The following CEP63 variants were observed in gnomAD, a reference collection of about 807,000 sequenced individuals.
CEP63 encodes centrosomal protein 63.
CEP63 carries 84 observed loss-of-function variants against 89.1 expected under a neutral mutation model. The observed-to-expected ratio is 0.94, with a 90% CI of 0.79 to 1.13. The LOEUF (loss-of-function observed/expected upper bound fraction) is 1.13, where lower values mean the gene tolerates loss of function less well. CEP63 is among the 50% of genes most tolerant of loss of function. The pLI is 0.00. For missense variants in CEP63, 838 were observed against 813.3 expected, an observed-to-expected ratio of 1.03 and a Z score of -0.37; for synonymous variants, 267 against 272.5, an observed-to-expected ratio of 0.98 and a Z score of 0.20.
At chr3:134,570,878 G>A (rs1292175837) in intron 11 of CEP63, among the ~76,000 whole-genome samples, 2 of 152,210 alleles carry the variant, frequency 1.3e-5, no homozygotes, top group East Asian at 1.9e-4. Flanking sequence ...CAGAAGGCAA[G>A]AAGGAGCAAG....
At chr3:134,642,484 C>CT in the CEP63 span, among the ~76,000 whole-genome samples, 2 of 152,002 alleles carry the variant, frequency 1.3e-5, 1 homozygote, top group Non-Finnish European at 2.9e-5. Context: ...GTCACCATTG[C>CT]TGTGGGGCCC....
chr3:134,505,462 G>A (rs1228390010), intron 2 of CEP63, among the ~76,000 whole-genome samples: 1 of 152,164 alleles, frequency 6.6e-6, no homozygotes, highest in Non-Finnish European at 1.5e-5. Context: ...CTGGGGTAGG[G>A]ACACCAGGCA....
chr3:134,485,985 T>A, upstream of CEP63: 1 of 872,252 alleles, frequency 1.1e-6, no homozygotes, highest in Non-Finnish European at 1.3e-6. Flanking sequence ...CGCTTGCTCC[T>A]GCCACGCCCC....
chr3:134,646,748 A>T, the CEP63 span, among the ~76,000 whole-genome samples: 1 of 152,146 alleles, frequency 6.6e-6, no homozygotes, highest in Non-Finnish European at 1.5e-5. Context: ...CTGCGGGCTG[A>T]TGGAGTTCTC....
At chr3:134,778,668 C>T in the CEP63 span, among the ~76,000 whole-genome samples, 1 of 152,274 alleles carries the variant, frequency 6.6e-6, no homozygotes, top group East Asian at 1.9e-4. Context: ...ACGCCATTCT[C>T]CTGCCTCAGC....
Position 134,564,522 on chromosome 3 carries a change from TCCTC to T in CEP63, c.*2988_*2991del. 4.1e-6 allele frequency: 4 copies of T among 985,410 alleles called. No individual in the cohort carries two copies. The highest frequency in any genetic ancestry group is 4.8e-6 in the Non-Finnish European group (4 of 829,932). The allele number at this position is 985,410 out of a possible 1,614,324, so 61.0% of individuals were successfully genotyped here. On this transcript the variant is annotated 3_prime_UTR_variant, in exon 15 of 15. Transcript: ENST00000675561. Reference sequence around the variant, plus strand: ...TTTCAGGGGCTAAGTCCTGCCTACATCCTCAGTCAGCATGCTGCCTAACACATAA... The same window carrying T: ...TTTCAGGGGCTAAGTCCTGCCTACATAGTCAGCATGCTGCCTAACACATAA...
chr3:134,585,329 C>T (rs1462534860), intron 10 of CEP63, among the ~76,000 whole-genome samples: 3 of 152,060 alleles, frequency 2.0e-5, no homozygotes, highest in Non-Finnish European at 4.4e-5. Flanking sequence ...GCATTTAGTG[C>T]TATAAATTTC....
chr3:134,495,196 A>G (rs1939376852), intron 1 of CEP63, 100 bp from the exon 2 acceptor site: 2 of 850,976 alleles, frequency 2.4e-6, no homozygotes, highest in East Asian at 4.9e-5. Context: ...GCATTTTTTC[A>G]TTATTATGTA....
At chr3:134,609,338 A>G in the CEP63 span, among the ~76,000 whole-genome samples, 1 of 152,160 alleles carries the variant, frequency 6.6e-6, no homozygotes, top group Admixed American at 6.5e-5. Context: ...AGAAGAACAG[A>G]GAGGCCCTTC....
chr3:134,523,821 G>A lies in CEP63; in HGVS notation c.223-8024G>A, dbSNP rs186567525. On this transcript the variant is annotated intron_variant, in intron 3 of 14. Coordinates refer to ENST00000675561, the MANE Select transcript of CEP63 (RefSeq NM_001353108.3). ...GTAGTATAGTTTGAAGTTGGGTAGT[G>A]TGATGCTTCTAGGTGTGTTCTTTTT... 4.3e-4 allele frequency among the ~76,000 whole-genome samples: 66 copies of A among 152,256 alleles called. 1 individual carries two copies. Among genetic ancestry groups the A allele is most frequent in the African/African-American group, 1.6e-3 (65 of 41,556 alleles).
the CEP63 span, among the ~76,000 whole-genome samples, chr3:134,660,085 G>A: frequency 1.2e-4 from 18 of 152,378 alleles, no homozygotes; most frequent in East Asian, 1.2e-3. Context: ...CTTTTCACAC[G>A]TCTCATTTTC....
intron 6 of CEP63, among the ~76,000 whole-genome samples, chr3:134,544,558 G>A (rs1462535421): frequency 6.7e-6 from 1 of 149,024 alleles, no homozygotes; most frequent in African/African-American, 2.5e-5. Flanking sequence ...AATTTAAAGA[G>A]CATTTTATGG....
chr3:134,664,415 A>G, the CEP63 span, among the ~76,000 whole-genome samples: 19 of 152,172 alleles, frequency 1.2e-4, no homozygotes, highest in Non-Finnish European at 1.9e-4. Flanking sequence ...TGAACCTAGG[A>G]CACAAGCGCA....
chr3:134,614,870 G>A, the CEP63 span, among the ~76,000 whole-genome samples: 703 of 152,256 alleles, frequency 4.6e-3, 8 homozygotes, highest in Middle Eastern at 0.034. Flanking sequence ...GGCTCTGACC[G>A]CAGTAGACTT....
chr3:134,544,300 G>T (rs936060363), intron 6 of CEP63, among the ~76,000 whole-genome samples: 7 of 151,754 alleles, frequency 4.6e-5, no homozygotes, highest in African/African-American at 7.3e-5. Flanking sequence ...TACCAGCCAG[G>T]ATGCTGGATT....
intron 3 of CEP63, among the ~76,000 whole-genome samples, chr3:134,516,906 T>G (rs1946375242): frequency 6.6e-6 from 1 of 152,200 alleles, no homozygotes; most frequent in Non-Finnish European, 1.5e-5. Flanking sequence ...TTTCTCTCTC[T>G]GGGGCCTTGG....
chr3:134,642,453 G>C, the CEP63 span, among the ~76,000 whole-genome samples: 1 of 152,228 alleles, frequency 6.6e-6, no homozygotes, highest in African/African-American at 2.4e-5. Flanking sequence ...GTGGGCGTGA[G>C]AGTCTCTAAC....
At chr3:134,486,242 C>CT in intron 1 of CEP63, 40 bp downstream of exon 1, 1 of 985,498 alleles carries the variant, frequency 1.0e-6, no homozygotes, top group Non-Finnish European at 1.2e-6. Context: ...TGCGGCAACC[C>CT]TGTAACCGCC....
chr3:134,648,740 G>T, the CEP63 span, among the ~76,000 whole-genome samples: 9 of 152,178 alleles, frequency 5.9e-5, no homozygotes, highest in African/African-American at 2.2e-4. Context: ...ACTTCCAGCA[G>T]AAGGCCCTTC....
Sources: gnomAD v4.1 joint callset for allele counts (sites outside exome capture counted in the v4.1 genomes callset) on GRCh38, gnomAD v4.1.1 for gene constraint, MANE v1.5 for transcripts, NCBI Gene and HGNC (gene_info 2026-07-23, HGNC 2026-07-21) for gene names.